PRKACB: variants seen among roughly 807,000 people sequenced by gnomAD.
The protein encoded by PRKACB is cAMP-dependent protein kinase catalytic subunit beta.
PRKACB carries 16 observed loss-of-function variants against 51.4 expected under a neutral mutation model. The ratio of observed to expected loss-of-function variants is 0.31; its 90% CI spans 0.21 to 0.47. The LOEUF is 0.47. PRKACB is among the 20% of genes least tolerant of loss of function. PRKACB has a pLI of 1.00. For missense variants in PRKACB, 309 were observed against 464.5 expected (o/e 0.67, Z 3.08); for synonymous variants, 147 against 154.4 (o/e 0.95, Z 0.35).
chr1:84,114,100 C>T (rs1334512289), intron 1 of PRKACB, among the ~76,000 whole-genome samples: 1 of 151,944 alleles, frequency 6.6e-6, no homozygotes, highest in East Asian at 1.9e-4. Flanking sequence ...AGAAATCAGG[C>T]ATGTCATGTT....
At chr1:84,179,957 C>T (rs1274207462) in intron 2 of PRKACB, among the ~76,000 whole-genome samples, 5 of 148,090 alleles carry the variant, frequency 3.4e-5, no homozygotes, top group South Asian at 2.2e-4. Context: ...CCCCCCACCC[C>T]GCGACAGGCC....
intron 5 of PRKACB, among the ~76,000 whole-genome samples, chr1:84,195,367 C>A (rs999059141): frequency 6.6e-6 from 1 of 152,150 alleles, no homozygotes. Flanking sequence ...CACATAAAGT[C>A]TTTTGTTGGA....
intron 1 of PRKACB, chr1:84,164,201 A>G: frequency 8.0e-7 from 1 of 1,254,156 alleles, no homozygotes; most frequent in Admixed American, 3.0e-5. Context: ...GAATGTTTAA[A>G]TGGTTAACAT....
intron 5 of PRKACB, among the ~76,000 whole-genome samples, chr1:84,193,542 T>C (rs955223536): frequency 5.9e-5 from 9 of 152,280 alleles, no homozygotes; most frequent in African/African-American, 2.2e-4. Flanking sequence ...GTTTTACGTT[T>C]TGGGACAAAG....
At chr1:84,096,630 A>G (rs1157331371) in intron 1 of PRKACB, among the ~76,000 whole-genome samples, 2 of 152,112 alleles carry the variant, frequency 1.3e-5, no homozygotes, top group African/African-American at 4.8e-5. Flanking sequence ...CTCCTTTGCT[A>G]ATACTTTCAA....
chr1:84,214,443 A>G, intron 9 of PRKACB, 126 bp downstream of exon 9: 1 of 957,804 alleles, frequency 1.0e-6, no homozygotes, highest in Non-Finnish European at 1.5e-6. Context: ...CTTGTGCAGG[A>G]TCTAAAGTAC....
intron 5 of PRKACB, among the ~76,000 whole-genome samples, chr1:84,187,228 C>T (rs563389443): frequency 1.3e-5 from 2 of 152,108 alleles, no homozygotes; most frequent in South Asian, 2.1e-4. Context: ...AGGATATTGT[C>T]GATGTTGTGA....
chr1:84,175,332 AAAAG>A (rs1343493770), intron 1 of PRKACB, among the ~76,000 whole-genome samples: 4 of 151,784 alleles, frequency 2.6e-5, no homozygotes, highest in African/African-American at 7.2e-5. Context: ...TTAATACAGT[AAAAG>A]AAAGATAAAT....
chr1:84,214,248 T>G lies in PRKACB; in HGVS notation c.1002T>G (p.Asn334Lys), dbSNP rs1407741446. 6.2e-7 allele frequency: 1 copy of G among 1,613,584 alleles called. No homozygotes were observed. ...DLTKRFGNLK[N>K]GVSDIKTHKW... ...CCAAGAGATTTGGAAATCTAAAGAA[T>G]GGTGTCAGTGATATAAAAACTCACA... Residue 334 changes from asparagine (N) to lysine (K), a missense_variant, in exon 9 of 10, where the codon AAT becomes AAG. Asn to Lys is a moderately conservative substitution (Grantham distance 94). Coordinates refer to ENST00000370685, the MANE Select transcript of PRKACB (RefSeq NM_182948.4).
chr1:84,102,460 C>T (rs1649425455), intron 1 of PRKACB, among the ~76,000 whole-genome samples: 2 of 152,128 alleles, frequency 1.3e-5, no homozygotes, highest in Admixed American at 1.3e-4. Context: ...CTAAATTAGA[C>T]AGTTGGGGTT....
At chr1:84,104,756 A>C (rs1376262731) in intron 1 of PRKACB, among the ~76,000 whole-genome samples, 21 of 152,150 alleles carry the variant, frequency 1.4e-4, no homozygotes, top group Admixed American at 1.4e-3. Context: ...TGTAGAACCA[A>C]TGCTTTTAAT....
rs537375077 is a variant in PRKACB at position 84,237,203 on chromosome 1, G to A, written c.*1898G>A. 2.6e-5 allele frequency: 4 copies of A among 152,582 alleles called. No individual in the cohort carries two copies. Among genetic ancestry groups the A allele is most frequent in the East Asian group, 3.9e-4 (2 of 5,186 alleles). 9.5% of individuals were successfully genotyped at this position (152,582 alleles called of 1,614,324 possible). ...AAGTTTTGTGTAACAAAGGCATATC[G>A]TCATGTTAATAAATTTAAAACATCA... On this transcript the variant is annotated 3_prime_UTR_variant, in exon 10 of 10. Coordinates refer to ENST00000370685, the MANE Select transcript of PRKACB (RefSeq NM_182948.4).
chr1:84,209,491 A>G (rs1309025842), intron 8 of PRKACB, among the ~76,000 whole-genome samples: 2 of 151,938 alleles, frequency 1.3e-5, no homozygotes, highest in African/African-American at 4.8e-5. Flanking sequence ...CAGGGAAACC[A>G]TTTTTGCTTT....
chr1:84,179,637 T>C (rs1409372002), intron 2 of PRKACB, among the ~76,000 whole-genome samples: 1 of 151,956 alleles, frequency 6.6e-6, no homozygotes, highest in Non-Finnish European at 1.5e-5. Context: ...ACATCCCTGA[T>C]ACACAGGCAT....
At chr1:84,122,151 A>G (rs1452390137) in intron 1 of PRKACB, among the ~76,000 whole-genome samples, 2 of 152,072 alleles carry the variant, frequency 1.3e-5, no homozygotes. Flanking sequence ...GCTCCAAAAC[A>G]ATTCTCTCCA....
chr1:84,083,144 T>C (rs1647681372), intron 1 of PRKACB, among the ~76,000 whole-genome samples: 1 of 152,230 alleles, frequency 6.6e-6, no homozygotes, highest in African/African-American at 2.4e-5. Flanking sequence ...TGATTTCTTA[T>C]ACCTTACTTA....
intron 9 of PRKACB, among the ~76,000 whole-genome samples, chr1:84,225,598 G>A (rs755358179): frequency 6.6e-6 from 1 of 152,112 alleles, no homozygotes; most frequent in Non-Finnish European, 1.5e-5. Flanking sequence ...ATGGCACTGT[G>A]CTTCAGCTTC....
In PRKACB at chr1:84,079,157, CTG is replaced by C. The variant is rs1647327744; in HGVS notation, c.46+792_46+793del. Among the ~76,000 whole-genome samples, 15 of 150,520 alleles carry C rather than the reference CTG, an allele frequency of 1.0e-4. No homozygotes were observed. In the South Asian group the frequency reaches 3.1e-3, roughly 32 times the overall value. ...GTATGGCGATAAGGTGTGTGTGTGT[CTG>C]TGTGTTTGTGTGTGCATGTATACAC... On this transcript the variant is annotated intron_variant, in intron 1 of 8. Coordinates refer to the PRKACB transcript ENST00000370688.
chr1:84,128,884 A>G (rs1340149658), intron 1 of PRKACB, among the ~76,000 whole-genome samples: 1 of 152,208 alleles, frequency 6.6e-6, no homozygotes, highest in Non-Finnish European at 1.5e-5. Flanking sequence ...CCATTTAGCT[A>G]CATGTGGCTG....
Sources: allele counts gnomAD v4.1 joint callset (sites outside exome capture counted in the v4.1 genomes callset), GRCh38; gene constraint gnomAD v4.1.1; transcripts MANE v1.5; gene names NCBI Gene and HGNC (gene_info 2026-07-23, HGNC 2026-07-21).